The following GABPB1 variants were observed in gnomAD, a reference collection of about 807,000 sequenced individuals.
The protein encoded by GABPB1 is GA-binding protein subunit beta-1.
In GABPB1, 15 loss-of-function variants were observed where a neutral mutation model predicts 45.9. That is an observed-to-expected ratio of 0.33 (90% CI 0.22 to 0.50). The LOEUF (loss-of-function observed/expected upper bound fraction) is 0.50, where lower values mean the gene tolerates loss of function less well. Ranked by LOEUF, GABPB1 falls within the 20% of genes least tolerant of loss-of-function variation. The pLI, the probability that GABPB1 is intolerant of heterozygous loss-of-function variation, is 0.98. For missense variants in GABPB1, 252 were observed against 457.5 expected, an observed-to-expected ratio of 0.55 and a Z score of 4.10; for synonymous variants, 143 against 154.4, an observed-to-expected ratio of 0.93 and a Z score of 0.55.
rs781208399 is a variant in GABPB1, at chr15:50,354,139, T to C, written c.-1+846A>G. On this transcript the variant is annotated intron_variant, in intron 1 of 8. Transcript: ENST00000380877. ...GGCTAGGCACGCTGATTCAACACAC[T>C]TGGAGAGCTTCACCGAAACACACTA... The C allele has an allele frequency of 2.7e-4, 83 of 311,552 alleles. 2 individuals carry two copies. Among genetic ancestry groups the C allele is most frequent in the South Asian group, 9.9e-4 (43 of 43,476 alleles). The allele number at this position is 311,552 out of a possible 1,614,324, so 19.3% of individuals were successfully genotyped here. A position where few individuals can be genotyped will look rare whatever the true frequency, so the allele number is the denominator to read the frequency against.
rs373563673 is a variant in GABPB1 at position 50,281,246 on chromosome 15, C to T, written c.1000-2462G>A. 2.0e-4 allele frequency among the ~76,000 whole-genome samples: 30 copies of T among 152,248 alleles called. No homozygotes were observed. The South Asian group carries it at 6.2e-3, about 32-fold the overall frequency. On this transcript the variant is annotated intron_variant, in intron 8 of 8. Coordinates refer to ENST00000380877, the MANE Select transcript of GABPB1 (RefSeq NM_016654.5). ...TTTCTTTTTGAGACGGAGTCTTGCT[C>T]TGTTGCCCAGGCTGGAGTGCAGTGG...
chr15:50,342,788 A>C lies in GABPB1; in HGVS notation c.-1+12197T>G, dbSNP rs571973499. On this transcript the variant is annotated intron_variant, in intron 1 of 8. Coordinates refer to ENST00000380877, the MANE Select transcript of GABPB1 (RefSeq NM_016654.5). ...TTTTTTATTGGGAGTCAGAATAAACAATCATCTGAGAGCTACTTCTATAGT... is the reference window on the plus strand; with the variant it reads ...TTTTTTATTGGGAGTCAGAATAAACCATCATCTGAGAGCTACTTCTATAGT... Among the ~76,000 whole-genome samples, 21 of 152,380 alleles carry C rather than the reference A, an allele frequency of 1.4e-4. No homozygotes were observed. In the South Asian group the frequency reaches 2.9e-3, roughly 21 times the overall value.
chr15:50,346,129 T>C (rs140607973), intron 1 of GABPB1, among the ~76,000 whole-genome samples: 71 of 151,990 alleles, frequency 4.7e-4, no homozygotes, highest in African/African-American at 1.6e-3. Context: ...ATTTACAAAA[T>C]AAGATGAAAG....
intron 1 of GABPB1, among the ~76,000 whole-genome samples, chr15:50,332,009 G>T (rs2047965530): frequency 6.6e-6 from 1 of 151,756 alleles, no homozygotes; most frequent in Non-Finnish European, 1.5e-5. Context: ...CAAGTAGCTG[G>T]GATTACAGGC....
At chr15:50,282,260 G>C (rs932986696) in intron 8 of GABPB1, 33 of 453,630 alleles carry the variant, frequency 7.3e-5, no homozygotes, top group African/African-American at 6.5e-4. Flanking sequence ...TTTAAAAAAA[G>C]AGAGAGAAGA....
chr15:50,289,409 G>C (rs1215942558), intron 7 of GABPB1, 74 bp downstream of exon 7: 3 of 896,966 alleles, frequency 3.3e-6, no homozygotes, highest in Non-Finnish European at 4.9e-6. Flanking sequence ...TTTTTGGACT[G>C]CAGGGAAGAC....
At chr15:50,340,998 A>ATGGT in intron 1 of GABPB1, among the ~76,000 whole-genome samples, 1 of 144,360 alleles carries the variant, frequency 6.9e-6, no homozygotes, top group African/African-American at 2.8e-5. Context: ...AATATTACAT[A>ATGGT]TTACATATGG....
intron 1 of GABPB1, among the ~76,000 whole-genome samples, chr15:50,339,498 T>C (rs1004186443): frequency 2.0e-5 from 3 of 148,904 alleles, no homozygotes; most frequent in Non-Finnish European, 4.4e-5. Context: ...GACTCCACCT[T>C]GGAAAAAAAA....
intron 1 of GABPB1, among the ~76,000 whole-genome samples, chr15:50,347,918 T>C (rs1032902481): frequency 2.0e-5 from 3 of 151,888 alleles, no homozygotes; most frequent in African/African-American, 7.3e-5. Context: ...TAGCTGGGCA[T>C]GGTGGCGGGC....
chr15:50,354,307 C>A (rs753344019), intron 1 of GABPB1: 19 of 447,886 alleles, frequency 4.2e-5, no homozygotes, highest in South Asian at 3.0e-4. Context: ...GGCTTCTCCC[C>A]CTCAGGACTC....
intron 1 of GABPB1, chr15:50,352,335 C>G (rs1224225333): frequency 7.1e-6 from 1 of 141,398 alleles, no homozygotes; most frequent in Admixed American, 7.1e-5. Flanking sequence ...ACCAAGCATA[C>G]TTTTTTTTTT....
chr15:50,281,403 G>T (rs923197991), intron 8 of GABPB1, among the ~76,000 whole-genome samples: 15 of 152,090 alleles, frequency 9.9e-5, no homozygotes, highest in Non-Finnish European at 2.2e-4. Flanking sequence ...AGTAGAGACG[G>T]GGTTTCACCA....
chr15:50,333,854 C>G (rs1371498668), intron 1 of GABPB1, among the ~76,000 whole-genome samples: 1 of 151,858 alleles, frequency 6.6e-6, no homozygotes, highest in East Asian at 1.9e-4. Context: ...CATAGTAAAA[C>G]CCCATCTCTA....
intron 1 of GABPB1, among the ~76,000 whole-genome samples, chr15:50,326,699 G>C (rs1326305725): frequency 1.3e-5 from 2 of 151,918 alleles, no homozygotes; most frequent in Admixed American, 1.3e-4. Context: ...GCCAGGGTTG[G>C]TGGCATGCTC....
intron 1 of GABPB1, among the ~76,000 whole-genome samples, chr15:50,348,743 T>G (rs1283926061): frequency 2.0e-5 from 3 of 151,848 alleles, no homozygotes; most frequent in African/African-American, 7.3e-5. Flanking sequence ...GCACCTGTAG[T>G]CCCAGCTACT....
At chr15:50,279,314 T>C (rs949334778) in intron 8 of GABPB1, among the ~76,000 whole-genome samples, 4 of 152,160 alleles carry the variant, frequency 2.6e-5, no homozygotes, top group African/African-American at 9.7e-5. Context: ...GGTCACATAG[T>C]AAGAAGTTGG....
chr15:50,352,604 G>A (rs2141196575), intron 1 of GABPB1: 1 of 152,330 alleles, frequency 6.6e-6, no homozygotes, highest in Non-Finnish European at 1.5e-5. Flanking sequence ...CCCAAGTGCT[G>A]GGACTGCAGG....
intron 1 of GABPB1, among the ~76,000 whole-genome samples, chr15:50,318,892 C>G (rs1007330871): frequency 6.6e-6 from 1 of 152,072 alleles, no homozygotes; most frequent in African/African-American, 2.4e-5. Context: ...CACACACACA[C>G]AGAGATATGC....
chr15:50,309,641 C>T (rs1482112178), intron 2 of GABPB1, 50 bp downstream of exon 2: 1 of 1,177,732 alleles, frequency 8.5e-7, no homozygotes, highest in Non-Finnish European at 1.3e-6. Context: ...TCTGCAAAAA[C>T]TCAAAAATGA....
Sources: allele counts gnomAD v4.1 joint callset (sites outside exome capture counted in the v4.1 genomes callset), GRCh38; gene constraint gnomAD v4.1.1; transcripts MANE v1.5; gene names NCBI Gene and HGNC (gene_info 2026-07-23, HGNC 2026-07-21).